Variants in KIRREL1 observed in about 807,000 individuals in gnomAD.
KIRREL1 encodes kirre like nephrin family adhesion molecule 1, also known as kin of IRRE-like protein 1.
In KIRREL1, 25 loss-of-function variants were observed where a neutral mutation model predicts 83.3. The ratio of observed to expected loss-of-function variants is 0.30; its 90% CI spans 0.22 to 0.42. The LOEUF is 0.42. Ranked by LOEUF, KIRREL1 falls within the 10% of genes least tolerant of loss-of-function variation. The probability of loss-of-function intolerance (pLI) is 1.00; values close to 1 mark genes in which losing one functional copy is unlikely to be tolerated. For missense variants in KIRREL1, 812 were observed against 1,032.3 expected, an observed-to-expected ratio of 0.79 and a Z score of 2.92; for synonymous variants, 388 against 410.4, an observed-to-expected ratio of 0.95 and a Z score of 0.66.
intron 1 of KIRREL1, among the ~76,000 whole-genome samples, chr1:158,059,184 A>G (rs1015757299): frequency 3.7e-4 from 56 of 152,220 alleles, no homozygotes; most frequent in African/African-American, 1.3e-3. Flanking sequence ...TGCCTTCCAA[A>G]CTGGAGTCCT....
intron 1 of KIRREL1, among the ~76,000 whole-genome samples, chr1:157,999,633 C>T (rs1334117777): frequency 2.6e-5 from 4 of 151,866 alleles, no homozygotes; most frequent in East Asian, 1.9e-4. Context: ...TGCCCCTTCC[C>T]GACCTACCAG....
At chr1:158,057,880 G>A (rs1258293909) in intron 1 of KIRREL1, among the ~76,000 whole-genome samples, 1 of 152,180 alleles carries the variant, frequency 6.6e-6, no homozygotes, top group Non-Finnish European at 1.5e-5. Flanking sequence ...GGAAAACGAG[G>A]CCATTGAAAA....
intron 1 of KIRREL1, among the ~76,000 whole-genome samples, chr1:158,045,185 G>C (rs181215425): frequency 2.0e-4 from 30 of 152,272 alleles, no homozygotes; most frequent in Admixed American, 8.5e-4. Context: ...GAAGTGAGGA[G>C]TGTGCCTGCA....
At chr1:157,996,675 A>G (rs967478100) in intron 1 of KIRREL1, among the ~76,000 whole-genome samples, 2 of 152,186 alleles carry the variant, frequency 1.3e-5, no homozygotes, top group Non-Finnish European at 2.9e-5. Context: ...GGTGCTACAC[A>G]TAGACACATA....
chr1:158,018,661 AG>A (rs1659908741), intron 1 of KIRREL1, among the ~76,000 whole-genome samples: 1 of 152,156 alleles, frequency 6.6e-6, no homozygotes, highest in Non-Finnish European at 1.5e-5. Flanking sequence ...TGCTAGAATG[AG>A]GAAGCAAACA....
rs763415425 is a variant in KIRREL1 at position 158,099,431 on chromosome 1, C to G, written c.*4311C>G. On this transcript the variant is annotated 3_prime_UTR_variant, in exon 15 of 15. Coordinates refer to ENST00000359209, the MANE Select transcript of KIRREL1 (RefSeq NM_018240.7). ...AAAGGCATTGGCTCATCTTTGTCAGCGTGGTCCTGACGTTCACCTCTGGGC... is the reference window on the plus strand; with the variant it reads ...AAAGGCATTGGCTCATCTTTGTCAGGGTGGTCCTGACGTTCACCTCTGGGC... 6 of 152,288 alleles carry G rather than the reference C, an allele frequency of 3.9e-5. No homozygotes were observed. Among genetic ancestry groups the G allele is most frequent in the Non-Finnish European group, 7.3e-5 (5 of 68,050 alleles). The allele number at this position is 152,288 out of a possible 1,614,324, so 9.4% of individuals were successfully genotyped here.
intron 1 of KIRREL1, among the ~76,000 whole-genome samples, chr1:158,033,324 G>T (rs1571553244): frequency 2.0e-5 from 3 of 151,830 alleles, no homozygotes; most frequent in Admixed American, 2.0e-4. Flanking sequence ...CACTCGCCTC[G>T]GCCTCCCAAA....
chr1:158,054,212 CAAAAAAAAAAA>C (rs57034495), intron 1 of KIRREL1, among the ~76,000 whole-genome samples: 10 of 85,092 alleles, frequency 1.2e-4, no homozygotes, highest in Admixed American at 5.2e-4. Context: ...GACTCCATCT[CAAAAAAAAAAA>C]AAAAAAAAAA....
At chr1:158,011,769 G>A (rs955719895) in intron 1 of KIRREL1, among the ~76,000 whole-genome samples, 2 of 152,180 alleles carry the variant, frequency 1.3e-5, no homozygotes, top group African/African-American at 4.8e-5. Context: ...GGACCGGAGG[G>A]CAGCAGTGGG....
Position 158,100,060 on chromosome 1 carries a change from G to C in KIRREL1, c.*4940G>C, listed in dbSNP as rs1033404399. 5 of 151,660 alleles carry C rather than the reference G, an allele frequency of 3.3e-5. No individual in the cohort carries two copies. Among genetic ancestry groups the C allele is most frequent in the Non-Finnish European group, 5.9e-5 (4 of 67,924 alleles). 9.4% of individuals were successfully genotyped at this position (151,660 alleles called of 1,614,324 possible). A position where few individuals can be genotyped will look rare whatever the true frequency, so the allele number is the denominator to read the frequency against. On this transcript the variant is annotated 3_prime_UTR_variant, in exon 15 of 15. Coordinates refer to ENST00000359209, the MANE Select transcript of KIRREL1 (RefSeq NM_018240.7). Reference sequence around the variant, plus strand: ...ATCCATGATGATAATTAAGAGAAGAGAAAAAAAGATATTATTTTTGTTAGG... The same window carrying C: ...ATCCATGATGATAATTAAGAGAAGACAAAAAAAGATATTATTTTTGTTAGG...
intron 1 of KIRREL1, among the ~76,000 whole-genome samples, chr1:158,045,136 A>C (rs1660740439): frequency 6.6e-6 from 1 of 152,210 alleles, no homozygotes; most frequent in Non-Finnish European, 1.5e-5. Flanking sequence ...AGGAAAAGCC[A>C]GTGTGGATGG....
intron 1 of KIRREL1, among the ~76,000 whole-genome samples, chr1:158,055,245 C>T (rs976779031): frequency 1.3e-5 from 2 of 152,024 alleles, no homozygotes; most frequent in Admixed American, 1.3e-4. Flanking sequence ...GGGGAGGCGG[C>T]CTCCCCAGAG....
intron 1 of KIRREL1, among the ~76,000 whole-genome samples, chr1:158,002,275 G>A (rs1659382244): frequency 6.6e-6 from 1 of 152,168 alleles, no homozygotes; most frequent in African/African-American, 2.4e-5. Context: ...TTTGTTACCT[G>A]TCCCCCCCAA....
At chr1:158,080,335 A>C (rs1661813033) in intron 3 of KIRREL1, among the ~76,000 whole-genome samples, 1 of 152,214 alleles carries the variant, frequency 6.6e-6, no homozygotes, top group African/African-American at 2.4e-5. Context: ...GTGTTGCAGT[A>C]ACAATGTCTT....
chr1:158,088,371 A>G lies in KIRREL1; in HGVS notation c.961A>G (p.Ile321Val). The G allele has an allele frequency of 6.2e-7, 1 of 1,612,896 alleles. No individual in the cohort carries two copies. Among genetic ancestry groups the G allele is most frequent in the Non-Finnish European group, 8.5e-7 (1 of 1,179,876 alleles). ...TGACCCCAAACCCACAACCACAGAC[A>G]TTGGCTCTGATGTGACCCTTACCTG... ...VVDPKPTTTDIGSDVTLTCVW... is the reference protein window; with the variant it reads ...VVDPKPTTTDVGSDVTLTCVW... The change falls in exon 8 of 15, where the codon ATT becomes GTT. Residue 321 changes from isoleucine to valine, a missense_variant. Coordinates refer to ENST00000359209, the MANE Select transcript of KIRREL1 (RefSeq NM_018240.7).
At chr1:158,042,326 G>T (rs1247890072) in intron 1 of KIRREL1, among the ~76,000 whole-genome samples, 1 of 151,814 alleles carries the variant, frequency 6.6e-6, no homozygotes, top group Admixed American at 6.6e-5. Context: ...AGATGCTCCC[G>T]GCACCAGTTG....
intron 4 of KIRREL1, 79 bp from the exon 5 acceptor site, chr1:158,086,517 A>G (rs1483380633): frequency 2.1e-6 from 3 of 1,455,950 alleles, no homozygotes; most frequent in Non-Finnish European, 1.9e-6. Flanking sequence ...GCCCAAGCCC[A>G]TCTCTGAGTG....
At chr1:158,036,660 G>GGACC (rs1660483974) in intron 1 of KIRREL1, among the ~76,000 whole-genome samples, 1 of 152,146 alleles carries the variant, frequency 6.6e-6, no homozygotes, top group African/African-American at 2.4e-5. Flanking sequence ...AAACATCCAT[G>GGACC]GACCGCGATG....
At position 158,097,259 on chromosome 1, in the gene KIRREL1, A is replaced by G; in HGVS notation, c.*2139A>G. ...GCAAATTTCTATTATTTTCACAAAA[A>G]CCAGAAACCATGGGGGAATCCAAAG... On this transcript the variant is annotated 3_prime_UTR_variant, in exon 15 of 15. Coordinates refer to ENST00000359209, the MANE Select transcript of KIRREL1 (RefSeq NM_018240.7). The G allele has an allele frequency of 3.4e-6, 1 of 296,184 alleles. No homozygotes were observed. Among genetic ancestry groups the G allele is most frequent in the Non-Finnish European group, 6.6e-6 (1 of 152,102 alleles). The allele number at this position is 296,184 out of a possible 1,614,324, so 18.3% of individuals were successfully genotyped here.
Sources: allele counts gnomAD v4.1 joint callset (sites outside exome capture counted in the v4.1 genomes callset), GRCh38; gene constraint gnomAD v4.1.1; transcripts MANE v1.5; gene names NCBI Gene and HGNC (gene_info 2026-07-23, HGNC 2026-07-21).